STK11IP: variants seen among roughly 807,000 people sequenced by gnomAD.
STK11IP encodes serine/threonine kinase 11 interacting protein.
In STK11IP, 103 loss-of-function variants were observed where a neutral mutation model predicts 131.7. That is an observed-to-expected ratio of 0.78 (90% CI 0.67 to 0.92). The LOEUF is 0.92. STK11IP is among the 40% of genes least tolerant of loss of function. The pLI, the probability that STK11IP is intolerant of heterozygous loss-of-function variation, is 0.00. For synonymous variants in STK11IP, 557 were observed against 575.6 expected, an observed-to-expected ratio of 0.97 and a Z score of 0.46; for missense variants, 1,315 against 1,385.7, an observed-to-expected ratio of 0.95 and a Z score of 0.81.
At chr2:219,598,283 G>T in intron 2 of STK11IP, 103 bp downstream of exon 2, 1 of 785,248 alleles carries the variant, frequency 1.3e-6, no homozygotes, top group Admixed American at 3.7e-5. Context: ...GACTGGTAGG[G>T]TCACCAGGTG....
At position 219,600,059 on chromosome 2, in the gene STK11IP, G is replaced by T. The variant is rs191998770; in HGVS notation, c.62-1176G>T. ...CCTTTGTGTTTTTTTTTTTGTTTTT[G>T]TTTTTTTTTTTTTTTTTTTTTGAGA... On this transcript the variant is annotated intron_variant, in intron 2 of 24. Coordinates refer to ENST00000456909, the MANE Select transcript of STK11IP (RefSeq NM_052902.4). Among the ~76,000 whole-genome samples the T allele has an allele frequency of 7.9e-3, 722 of 91,722 alleles. 16 individuals are homozygous for T. The highest frequency in any genetic ancestry group is 0.018 in the African/African-American group (374 of 20,296). The allele number at this position is 91,722 out of a possible 152,430, so 60.2% of individuals were successfully genotyped here.
At position 219,607,043 on chromosome 2, in the gene STK11IP, C is replaced by T; in HGVS notation, c.1135-10C>T. The T allele has an allele frequency of 3.1e-6, 5 of 1,613,910 alleles. No homozygotes were observed. The highest frequency in any genetic ancestry group is 4.2e-6 in the Non-Finnish European group (5 of 1,179,878). ...GCTTTCACAGAACTTCTTCCCTCCACCAACCTCAGAGCCGAGTCCGTGTGA... is the reference window on the plus strand; with the variant it reads ...GCTTTCACAGAACTTCTTCCCTCCATCAACCTCAGAGCCGAGTCCGTGTGA... On this transcript the variant is annotated splice_polypyrimidine_tract_variant and intron_variant, in intron 12 of 24. Coordinates refer to ENST00000456909, the MANE Select transcript of STK11IP (RefSeq NM_052902.4).
In STK11IP at chr2:219,605,604, C is replaced by T; in HGVS notation, c.619-4C>T. ...AATCTTTTTCTCCCCTGTACCCCTG[C>T]CAGGATTTGTGTGAGCTCCACCATC... On this transcript the variant is annotated splice_region_variant and splice_polypyrimidine_tract_variant and intron_variant, in intron 7 of 24. Coordinates refer to ENST00000456909, the MANE Select transcript of STK11IP (RefSeq NM_052902.4). 1 of 1,551,712 alleles carries T rather than the reference C, an allele frequency of 6.4e-7. No individual in the cohort carries two copies. Among genetic ancestry groups the T allele is most frequent in the Non-Finnish European group, 8.7e-7 (1 of 1,147,014 alleles).
intron 20 of STK11IP, 44 bp downstream of exon 20, chr2:219,613,269 T>TGAGTTGGGGGGAGATGGGGG: frequency 4.8e-6 from 3 of 621,620 alleles, no homozygotes; most frequent in Non-Finnish European, 4.7e-6. Context: ...GGAGATGGGG[T>TGAGTTGGGGGGAGATGGGGG]GAGTTGGGGG....
In STK11IP at chr2:219,608,794, T is replaced by A. The variant is rs759894302; in HGVS notation, c.1809+6T>A. The stretch of plus-strand genomic sequence containing the variant: ...AGAGGTCGCCCAGGCCCACGGTGAG[T>A]GGGGCGTGGCAGGGTCTCTGGAGGA... On this transcript the variant is annotated splice_donor_region_variant and intron_variant, in intron 15 of 24. Coordinates refer to ENST00000456909, the MANE Select transcript of STK11IP (RefSeq NM_052902.4). 6.3e-7 allele frequency: 1 copy of A among 1,592,532 alleles called. No homozygotes were observed. The highest frequency in any genetic ancestry group is 8.5e-7 in the Non-Finnish European group (1 of 1,170,692).
chr2:219,613,082 C>T lies in STK11IP; in HGVS notation c.2440-46C>T, dbSNP rs756155160. ...CTCGGCTTTCAGTCTGGCCCCACCT[C>T]CCCAGGCCTCTCATCAGGTTTCTCA... On this transcript the variant is annotated intron_variant, in intron 19 of 24. Transcript: ENST00000456909. 5 of 1,542,356 alleles carry T rather than the reference C, an allele frequency of 3.2e-6. No homozygotes were observed. In the African/African-American group the frequency reaches 6.8e-5, roughly 21 times the overall value.
intron 2 of STK11IP, among the ~76,000 whole-genome samples, chr2:219,599,272 A>G (rs1410701071): frequency 6.6e-6 from 1 of 152,054 alleles, no homozygotes; most frequent in Non-Finnish European, 1.5e-5. Context: ...TATTTTTAGT[A>G]GAGACGGGGT....
At position 219,607,200 on chromosome 2, in the gene STK11IP, T is replaced by C; in HGVS notation, c.1219+63T>C. 2.0e-6 allele frequency: 3 copies of C among 1,487,016 alleles called. No individual in the cohort carries two copies. The South Asian group carries it at 3.4e-5, about 17-fold the overall frequency. 92.1% of individuals were successfully genotyped at this position (1,487,016 alleles called of 1,614,324 possible). A position where few individuals can be genotyped will look rare whatever the true frequency, so the allele number is the denominator to read the frequency against. ...AGCGAGCTCACTCTAATTTTTAAGT[T>C]ACAGTGAAGATCTGCTGGAAGAAAT... On this transcript the variant is annotated intron_variant, in intron 13 of 24. Coordinates refer to ENST00000456909, the MANE Select transcript of STK11IP (RefSeq NM_052902.4).
chr2:219,614,314 G>A, intron 22 of STK11IP, 72 bp downstream of exon 22: 1 of 1,586,264 alleles, frequency 6.3e-7, no homozygotes, highest in African/African-American at 1.3e-5. Context: ...ACATGGCCCT[G>A]TGCTGAGTAG....
chr2:219,605,924 A>G (rs763275925), intron 8 of STK11IP, 32 bp from the exon 9 acceptor site: 2 of 1,559,644 alleles, frequency 1.3e-6, no homozygotes, highest in South Asian at 1.2e-5. Context: ...ACTCATCCAC[A>G]TGCTCTTCCT....
chr2:219,599,746 T>G (rs1697918592), intron 2 of STK11IP, among the ~76,000 whole-genome samples: 1 of 152,114 alleles, frequency 6.6e-6, no homozygotes, highest in Admixed American at 6.5e-5. Flanking sequence ...ATTTTTTTTT[T>G]TTTTTGAGAT....
At chr2:219,612,987 T>G in intron 19 of STK11IP, 141 bp from the exon 20 acceptor site, 2 of 627,892 alleles carry the variant, frequency 3.2e-6, no homozygotes, top group Non-Finnish European at 5.8e-6. Flanking sequence ...GGCTGTCGAG[T>G]GTGAGGGAAG....
rs769426701 is a variant in STK11IP, at chr2:219,609,456, C to T, written c.2020C>T (p.Arg674Cys). 1.8e-5 allele frequency: 29 copies of T among 1,611,024 alleles called. No homozygotes were observed. Among genetic ancestry groups the T allele is most frequent in the South Asian group, 6.6e-5 (6 of 90,376 alleles). Residue 674 changes from arginine (R) to cysteine (C), a missense_variant, in exon 17 of 25, where the codon CGC becomes TGC. Transcript: ENST00000456909. ...DLLLGRFQCLRCGHEFKPEEP... is the reference protein window; with the variant it reads ...DLLLGRFQCLCCGHEFKPEEP... ...CCTGCTGGGTAGATTCCAGTGTCTA[C>T]GCTGTGGCCATGAGTTCAAGCCAGA... is the stretch of plus-strand genomic sequence containing the variant.
intron 2 of STK11IP, among the ~76,000 whole-genome samples, chr2:219,600,702 A>G (rs995206049): frequency 2.0e-5 from 3 of 152,250 alleles, no homozygotes; most frequent in Non-Finnish European, 4.4e-5. Context: ...TAGTTATTCT[A>G]TGACATACTT....
intron 17 of STK11IP, among the ~76,000 whole-genome samples, chr2:219,610,588 G>T (rs1386762202): frequency 1.3e-5 from 2 of 152,112 alleles, no homozygotes; most frequent in Non-Finnish European, 2.9e-5. Flanking sequence ...ATTTTTAGTA[G>T]AGATGGGGTT....
chr2:219,600,964 T>G (rs1197147048), intron 2 of STK11IP, among the ~76,000 whole-genome samples: 1 of 152,212 alleles, frequency 6.6e-6, no homozygotes, highest in African/African-American at 2.4e-5. Context: ...GAGGCTCTTT[T>G]GAGCAGAAGG....
At chr2:219,598,385 C>T in intron 2 of STK11IP, 2 of 490,588 alleles carry the variant, frequency 4.1e-6, no homozygotes, top group South Asian at 3.4e-5. Context: ...TCCTTTGAGG[C>T]CAAAGGGCGG....
intron 24 of STK11IP, 140 bp from the exon 25 acceptor site, chr2:219,615,904 A>G (rs1435746308): frequency 9.2e-7 from 1 of 1,091,048 alleles, no homozygotes; most frequent in Non-Finnish European, 1.4e-6. Context: ...AGGATCTTTT[A>G]TGGGGAGTGA....
At position 219,599,802 on chromosome 2, in the gene STK11IP, C is replaced by T. The variant is rs1053299597; in HGVS notation, c.62-1433C>T. On this transcript the variant is annotated intron_variant, in intron 2 of 24. Transcript: ENST00000456909. Reference sequence around the variant, plus strand: ...AGGCTGGAGTGCAGTGGTATGATCTCGGCTCACTGCAACCCCTGCCTCCCT... The same window carrying T: ...AGGCTGGAGTGCAGTGGTATGATCTTGGCTCACTGCAACCCCTGCCTCCCT... Among the ~76,000 whole-genome samples the T allele has an allele frequency of 5.3e-5, 8 of 150,610 alleles. No individual in the cohort carries two copies. In the East Asian group the frequency reaches 1.6e-3, roughly 29 times the overall value.
Sources: allele counts gnomAD v4.1 joint callset (sites outside exome capture counted in the v4.1 genomes callset), GRCh38; gene constraint gnomAD v4.1.1; transcripts MANE v1.5; gene names NCBI Gene and HGNC (gene_info 2026-07-23, HGNC 2026-07-21).